The following IRX4 variants were observed in gnomAD, a reference collection of about 807,000 sequenced individuals.
IRX4 encodes iroquois homeobox 4, also known as iroquois-class homeodomain protein IRX-4.
Under a neutral mutation model 32.0 loss-of-function variants are expected in IRX4, and 22 were observed. That is an observed-to-expected ratio of 0.69 (90% CI 0.49 to 0.98). IRX4 has a LOEUF of 0.98. Ranked by LOEUF, IRX4 falls within the 50% of genes least tolerant of loss-of-function variation. The probability of loss-of-function intolerance (pLI) is 0.00; values close to 1 mark genes in which losing one functional copy is unlikely to be tolerated. For synonymous variants in IRX4, 379 were observed against 351.7 expected, an observed-to-expected ratio of 1.08 and a Z score of -0.87; for missense variants, 840 against 744.2, an observed-to-expected ratio of 1.13 and a Z score of -1.50.
rs976904625 is a variant in IRX4, at chr5:1,881,658, G to A, written c.297+150C>T. ...TGGGGGTGGGGTTCTGAGGGTCTCG[G>A]CTGGGAGGCGCAAAGTTGAAGGCAG... On this transcript the variant is annotated intron_variant, in intron 2 of 4. Transcript: ENST00000231357. 5.2e-6 allele frequency: 5 copies of A among 969,362 alleles called. No homozygotes were observed. In the Admixed American group the frequency reaches 9.7e-5, roughly 19 times the overall value. 60.0% of individuals were successfully genotyped at this position (969,362 alleles called of 1,614,324 possible). A position where few individuals can be genotyped will look rare whatever the true frequency, so the allele number is the denominator to read the frequency against.
chr5:1,877,768 C>T lies in IRX4; in HGVS notation c.*201G>A, dbSNP rs2111429400. On this transcript the variant is annotated 3_prime_UTR_variant, in exon 5 of 5. Transcript: ENST00000231357. ...CAAATTTGGGAATGGCCCGGTCAGG[C>T]TCAGGCCCAGGCGGTGGAGGCCCCG... 1.8e-6 allele frequency: 1 copy of T among 565,680 alleles called. No individual in the cohort carries two copies. The highest frequency in any genetic ancestry group is 2.4e-5 in the South Asian group (1 of 42,292). The allele number at this position is 565,680 out of a possible 1,614,324, so 35.0% of individuals were successfully genotyped here.
At position 1,881,865 on chromosome 5, in the gene IRX4, C is replaced by A. The variant is rs567556846; in HGVS notation, c.240G>T (p.Ser80=). ...AGGTCACGTAGTTGCCATAGCCCTG[C>A]GATCCGCCATAGGGACCCCCATAGA... ...LGVYGGPYGG[S]QGYGNYVTYG... is the part of the protein sequence containing the mutation. Residue 80 remains serine, a synonymous_variant, in exon 2 of 5, where the codon TCG becomes TCT. Transcript: ENST00000231357. 1.1e-4 allele frequency: 175 copies of A among 1,582,018 alleles called. No individual in the cohort carries two copies. The highest frequency in any genetic ancestry group is 1.4e-4 in the Non-Finnish European group (162 of 1,164,430).
rs1197976568 is a variant in IRX4 at position 1,881,893 on chromosome 5, C to T, written c.212G>A (p.Gly71Asp). ...RHELNSAAAL[G>D]VYGGPYGGSQ... is the part of the protein sequence containing the mutation. ...TCCGCCATAGGGACCCCCATAGACGCCCAGCGCCGCGGCCGAGTTGAGCTC... is the reference window on the plus strand; with the variant it reads ...TCCGCCATAGGGACCCCCATAGACGTCCAGCGCCGCGGCCGAGTTGAGCTC... Residue 71 changes from glycine (G) to aspartate (D), a missense_variant, in exon 2 of 5, where the codon GGC becomes GAC. Physicochemically the swap from Gly to Asp is moderately conservative, Grantham distance 94. Coordinates refer to ENST00000231357, the MANE Select transcript of IRX4 (RefSeq NM_016358.3). The T allele has an allele frequency of 1.9e-6, 3 of 1,585,598 alleles. No individual in the cohort carries two copies. The highest frequency in any genetic ancestry group is 2.6e-6 in the Non-Finnish European group (3 of 1,166,762).
At chr5:1,886,680 A>T (rs1372376592), upstream of IRX4, among the ~76,000 whole-genome samples, 1 of 151,328 alleles carries the variant, frequency 6.6e-6, no homozygotes, top group East Asian at 2.0e-4. Flanking sequence ...GGCGTCCAGG[A>T]CTCAGGCCTG....
Position 1,878,400 on chromosome 5 carries a change from C to A in IRX4, c.1129G>T (p.Ala377Ser). Residue 377 changes from alanine to serine, a missense_variant, in exon 5 of 5, where the codon GCC becomes TCC. By Grantham distance (99) the Ala-to-Ser change is moderately conservative. Transcript: ENST00000231357. Reference protein sequence around the residue: ...RIWSLAHTATAAAAAATSLSQ... With the variant: ...RIWSLAHTATSAAAAATSLSQ... ...AGGGAGGTGGCGGCGGCGGCGGCGG[C>A]GGTGGCTGTGTGGGCCAGGGACCAG... 1 of 1,518,102 alleles carries A rather than the reference C, an allele frequency of 6.6e-7. No homozygotes were observed. The highest frequency in any genetic ancestry group is 8.8e-7 in the Non-Finnish European group (1 of 1,137,096). 94.0% of individuals were successfully genotyped at this position (1,518,102 alleles called of 1,614,324 possible).
rs910182181 is a variant in IRX4, at chr5:1,877,728, T to G, written c.*241A>C. Reference sequence around the variant, plus strand: ...TCTGGCCTCTTCTGCTCCGAGAGCCTCTCCTTCCGCGTCCCAAATTTGGGA... The same window carrying G: ...TCTGGCCTCTTCTGCTCCGAGAGCCGCTCCTTCCGCGTCCCAAATTTGGGA... On this transcript the variant is annotated 3_prime_UTR_variant, in exon 5 of 5. Transcript: ENST00000231357. 2.9e-5 allele frequency: 15 copies of G among 524,220 alleles called. No individual in the cohort carries two copies. Among genetic ancestry groups the G allele is most frequent in the Non-Finnish European group, 4.0e-5 (12 of 301,262 alleles). The allele number at this position is 524,220 out of a possible 1,614,324, so 32.5% of individuals were successfully genotyped here. A position where few individuals can be genotyped will look rare whatever the true frequency, so the allele number is the denominator to read the frequency against.
At position 1,877,921 on chromosome 5, in the gene IRX4, C is replaced by A; in HGVS notation, c.*48G>T. On this transcript the variant is annotated 3_prime_UTR_variant, in exon 5 of 5. Coordinates refer to ENST00000231357, the MANE Select transcript of IRX4 (RefSeq NM_016358.3). Reference sequence around the variant, plus strand: ...GGAAACTCAGTGAAAAGAGTCGGCGCCGTCCGCCTGAGCGCGGGTTCCCTC... The same window carrying A: ...GGAAACTCAGTGAAAAGAGTCGGCGACGTCCGCCTGAGCGCGGGTTCCCTC... The A allele has an allele frequency of 6.9e-7, 1 of 1,448,148 alleles. No homozygotes were observed. The highest frequency in any genetic ancestry group is 2.7e-5 in the East Asian group (1 of 37,304). The allele number at this position is 1,448,148 out of a possible 1,614,324, so 89.7% of individuals were successfully genotyped here. A position where few individuals can be genotyped will look rare whatever the true frequency, so the allele number is the denominator to read the frequency against.
intron 2 of IRX4, chr5:1,881,209 G>A: frequency 3.3e-6 from 1 of 306,276 alleles, no homozygotes; most frequent in Non-Finnish European, 6.3e-6. Flanking sequence ...GATGCCCTGG[G>A]ATGCACTCAA....
At chr5:1,878,920 C>G (rs1735321731) in intron 4 of IRX4, 128 bp from the exon 5 acceptor site, 2 of 936,238 alleles carry the variant, frequency 2.1e-6, no homozygotes, top group Admixed American at 2.0e-5. Context: ...CTCTTCGCGT[C>G]TCCCATTTCC....
intron 3 of IRX4, chr5:1,880,112 C>T (rs1735376806): frequency 1.3e-6 from 2 of 1,535,666 alleles, no homozygotes; most frequent in Admixed American, 2.0e-5. Context: ...AGGCCAATTC[C>T]TTTATGGGGA....
rs1405286266 is a variant in IRX4 at position 1,877,845 on chromosome 5, C to T, written c.*124G>A. 5.6e-6 allele frequency: 5 copies of T among 886,420 alleles called. No individual in the cohort carries two copies. The highest frequency in any genetic ancestry group is 3.4e-4 in the Middle Eastern group (1 of 2,906). The allele number at this position is 886,420 out of a possible 1,614,324, so 54.9% of individuals were successfully genotyped here. ...TTCCCAGGAGTCCAAGTTCAGAAGC[C>T]CCCTCTCCGGTGGGTTGGCGGCTTC... On this transcript the variant is annotated 3_prime_UTR_variant, in exon 5 of 5. Coordinates refer to ENST00000231357, the MANE Select transcript of IRX4 (RefSeq NM_016358.3).
intron 3 of IRX4, among the ~76,000 whole-genome samples, chr5:1,880,467 G>C (rs779888879): frequency 6.6e-6 from 1 of 152,206 alleles, no homozygotes. Context: ...GAAAGCTGCC[G>C]CACATTTAGG....
intron 2 of IRX4, chr5:1,881,077 G>GGGGGGGGGGGGGGGGGCCCCCCCCC: frequency 3.0e-6 from 1 of 337,070 alleles, no homozygotes; most frequent in Non-Finnish European, 5.4e-6. Context: ...GGGCGGGGGG[G>GGGGGGGGGGGGGGGGGCCCCCCCCC]AGGAGGTGCA....
At position 1,880,803 on chromosome 5, in the gene IRX4, G is replaced by A. The variant is rs775005577; in HGVS notation, c.329C>T (p.Ser110Phe). Residue 110 changes from serine to phenylalanine, a missense_variant, in exon 3 of 5, where the codon TCT becomes TTT. Around this residue, in one of 3 missense-constraint regions of IRX4, gnomAD observed 241 missense variants for 220.8 expected, o/e 1.09. Transcript: ENST00000231357. ...NSFDSKDGSG[S>F]AHGGLAPAAA... Reference sequence around the variant, plus strand: ...GGCTGGTGCCAGGCCCCCATGCGCAGATCCCGAACCATCCTTGGAATCAAA... The same window carrying A: ...GGCTGGTGCCAGGCCCCCATGCGCAAATCCCGAACCATCCTTGGAATCAAA... The A allele has an allele frequency of 6.2e-7, 1 of 1,613,764 alleles. No homozygotes were observed. The highest frequency in any genetic ancestry group is 8.5e-7 in the Non-Finnish European group (1 of 1,179,974).
rs761517244 is a variant in IRX4, at chr5:1,878,197, G to T, written c.1332C>A (p.His444Gln). 5 of 1,597,148 alleles carry T rather than the reference G, an allele frequency of 3.1e-6. No individual in the cohort carries two copies. The highest frequency in any genetic ancestry group is 1.7e-6 in the Non-Finnish European group (2 of 1,173,280). Residue 444 changes from histidine (H) to glutamine (Q), a missense_variant, in exon 5 of 5, where the codon CAC becomes CAA. Coordinates refer to ENST00000231357, the MANE Select transcript of IRX4 (RefSeq NM_016358.3). ...SLRNWVDGVFHDPILRHSTLN... is the reference protein window; with the variant it reads ...SLRNWVDGVFQDPILRHSTLN... The stretch of plus-strand genomic sequence containing the variant: ...AAGTGCTGTGCCTGAGGATGGGGTC[G>T]TGGAAGACCCCGTCCACCCAGTTTC...
upstream of IRX4, chr5:1,884,644 C>T (rs1359982188): frequency 3.9e-5 from 6 of 152,268 alleles, no homozygotes; most frequent in South Asian, 2.1e-4. Flanking sequence ...AGTCAAATGA[C>T]ATTAATAATT....
intron 2 of IRX4, among the ~76,000 whole-genome samples, chr5:1,881,416 G>A (rs1735433054): frequency 6.6e-6 from 1 of 150,884 alleles, no homozygotes; most frequent in African/African-American, 2.4e-5. Context: ...TAGGAAGGAT[G>A]AGTCAGAGAG....
chr5:1,882,486 C>A, intron 1 of IRX4, 117 bp downstream of exon 1: 2 of 909,702 alleles, frequency 2.2e-6, no homozygotes, highest in South Asian at 1.5e-5. Context: ...GCGACCCAGG[C>A]CTTGCTAGCT....
chr5:1,878,679 C>A lies in IRX4; in HGVS notation c.850G>T (p.Gly284Cys), dbSNP rs1260530176. ...ELKPPFHSLD[G>C]GLERVPAAPD... ...GCGGCGGGGACGCGCTCCAGACCGC[C>A]GTCCAGGGAGTGGAAGGGCGGCTTC... The change falls in exon 5 of 5, where the codon GGC becomes TGC. Residue 284 changes from glycine to cysteine, a missense_variant. Transcript: ENST00000231357. 4 of 1,599,786 alleles carry A rather than the reference C, an allele frequency of 2.5e-6. No homozygotes were observed. The African/African-American group carries it at 5.4e-5, about 21-fold the overall frequency.
Sources: allele counts gnomAD v4.1 joint callset (sites outside exome capture counted in the v4.1 genomes callset), GRCh38; gene constraint gnomAD v4.1.1; regional missense constraint gnomAD v4.1.1; transcripts MANE v1.5; gene names NCBI Gene and HGNC (gene_info 2026-07-23, HGNC 2026-07-21).